The following C18orf54 variants were observed in gnomAD, a reference collection of about 807,000 sequenced individuals.
The protein encoded by C18orf54 is chromosome 18 open reading frame 54, also known as lung adenoma susceptibility protein 2.
In C18orf54, 49 loss-of-function variants were observed where a neutral mutation model predicts 49.3. The observed-to-expected ratio is 0.99, with a 90% confidence interval of 0.79 to 1.26. C18orf54 has a LOEUF of 1.26. Among genes scored for constraint, C18orf54 ranks in the 50% most tolerant of loss-of-function variants. C18orf54 has a pLI of 0.00. For missense variants in C18orf54, 687 were observed against 620.6 expected (o/e 1.11, Z -1.14); for synonymous variants, 211 against 216.6 (o/e 0.97, Z 0.23).
Position 54,360,666 on chromosome 18 carries a change from TC to T in C18orf54, c.95del (p.Ser32LeufsTer30). 1.9e-6 allele frequency: 3 copies of T among 1,614,112 alleles called. No homozygotes were observed. The highest frequency in any genetic ancestry group is 2.5e-6 in the Non-Finnish European group (3 of 1,179,956). On this transcript the variant is annotated frameshift_variant, in exon 3 of 9. Coordinates refer to ENST00000620105, the MANE Select transcript of C18orf54 (RefSeq NM_001288980.2). LOFTEE classifies it high-confidence loss of function. ...CTGCACCCTGAGTGGTAGTAATTCCTCTAATTCTGATGGCTCGTTTCACTAT... is the reference window on the plus strand; with the variant it reads ...CTGCACCCTGAGTGGTAGTAATTCCTTAATTCTGATGGCTCGTTTCACTAT... ...ASCTLSGSNS[S>X]NSDGSFHYKD...
chr18:54,373,968 T>G (rs867771261), intron 7 of C18orf54, among the ~76,000 whole-genome samples: 26 of 152,012 alleles, frequency 1.7e-4, no homozygotes, highest in Middle Eastern at 3.4e-3. Context: ...GTCATAATTT[T>G]AAGCGAAGAC....
chr18:54,366,622 T>C (rs1452988926), intron 6 of C18orf54, among the ~76,000 whole-genome samples: 1 of 152,084 alleles, frequency 6.6e-6, no homozygotes, highest in African/African-American at 2.4e-5. Flanking sequence ...GATATTTCTT[T>C]GGCATATTGA....
chr18:54,375,224 G>A (rs150805039), intron 8 of C18orf54, among the ~76,000 whole-genome samples: 17 of 151,884 alleles, frequency 1.1e-4, no homozygotes, highest in Admixed American at 2.6e-4. Flanking sequence ...AGTATTCTAA[G>A]TGCTATTGAA....
At chr18:54,370,285 A>AC (rs1392990817) in intron 6 of C18orf54, among the ~76,000 whole-genome samples, 1 of 152,046 alleles carries the variant, frequency 6.6e-6, no homozygotes, top group Non-Finnish European at 1.5e-5. Flanking sequence ...TCAAAAAAAA[A>AC]AAAAAAAAGT....
rs1269793543 is a variant in C18orf54 at position 54,379,321 on chromosome 18, A to G, written c.*1075A>G. The stretch of plus-strand genomic sequence containing the variant: ...GACAAAATTAAAGAGTACTGTGTGT[A>G]TGTATAACTACTACAGGTTAACACT... On this transcript the variant is annotated 3_prime_UTR_variant, in exon 9 of 9. Coordinates refer to ENST00000620105, the MANE Select transcript of C18orf54 (RefSeq NM_001288980.2). 4.6e-5 allele frequency: 7 copies of G among 152,248 alleles called. No individual in the cohort carries two copies. The highest frequency in any genetic ancestry group is 4.1e-4 in the South Asian group (2 of 4,830). The allele number at this position is 152,248 out of a possible 1,614,324, so 9.4% of individuals were successfully genotyped here.
chr18:54,371,509 G>A (rs1347482487), intron 6 of C18orf54, among the ~76,000 whole-genome samples: 1 of 152,080 alleles, frequency 6.6e-6, no homozygotes, highest in African/African-American at 2.4e-5. Context: ...ATATACCTAA[G>A]AGGGAAATTG....
chr18:54,362,469 CTTTT>C, intron 4 of C18orf54, 38 bp downstream of exon 4: 3 of 1,421,652 alleles, frequency 2.1e-6, no homozygotes, highest in Non-Finnish European at 2.7e-6. Flanking sequence ...ATTTATTTTT[CTTTT>C]TTTTAAACCA....
At chr18:54,368,002 G>T (rs571817278) in intron 6 of C18orf54, among the ~76,000 whole-genome samples, 1 of 151,680 alleles carries the variant, frequency 6.6e-6, no homozygotes, top group African/African-American at 2.4e-5. Flanking sequence ...TCCATTCATC[G>T]AATTCTTCAC....
chr18:54,372,731 G>GT (rs1185204317), intron 7 of C18orf54, 134 bp downstream of exon 7: 1,449 of 718,734 alleles, frequency 2.0e-3, no homozygotes, highest in Middle Eastern at 4.2e-3. Flanking sequence ...AGTGGCAGTA[G>GT]TTTTTTTTTG....
At chr18:54,365,577 C>T in intron 5 of C18orf54, 142 bp from the exon 6 acceptor site, 1 of 474,382 alleles carries the variant, frequency 2.1e-6, no homozygotes, top group Non-Finnish European at 3.8e-6. Context: ...AATTACCATA[C>T]AACATTAATA....
intron 6 of C18orf54, 54 bp downstream of exon 6, chr18:54,365,875 A>G: frequency 9.7e-7 from 1 of 1,033,422 alleles, no homozygotes. Context: ...AATAATATGT[A>G]GATACTAATT....
chr18:54,381,891 CA>C lies in C18orf54; in HGVS notation c.*3646del, dbSNP rs2089680442. Reference sequence around the variant, plus strand: ...GATTGTTTTATCTCCTTGATGATAGCACCTCTTATACTGCTTTACAGAATCA... The same window carrying C: ...GATTGTTTTATCTCCTTGATGATAGCCCTCTTATACTGCTTTACAGAATCA... On this transcript the variant is annotated 3_prime_UTR_variant, in exon 9 of 9. Transcript: ENST00000620105. 2 of 152,116 alleles carry C rather than the reference CA, an allele frequency of 1.3e-5. No homozygotes were observed. Among genetic ancestry groups the C allele is most frequent in the Admixed American group, 1.3e-4 (2 of 15,276 alleles). 9.4% of individuals were successfully genotyped at this position (152,116 alleles called of 1,614,324 possible).
intron 5 of C18orf54, among the ~76,000 whole-genome samples, chr18:54,364,877 T>TA (rs2089349790): frequency 6.6e-6 from 1 of 152,002 alleles, no homozygotes; most frequent in Non-Finnish European, 1.5e-5. Flanking sequence ...CTGTAAATGT[T>TA]AAAAAAAGAT....
rs114146691 is a variant in C18orf54, at chr18:54,363,612, G to A, written c.1223+691G>A. ...ATTACAGGCTTGAGCCACCGTGCCC[G>A]GCCTGAAGTTACAAATTTCTTATCA... is the stretch of plus-strand genomic sequence containing the variant. On this transcript the variant is annotated intron_variant, in intron 5 of 8. Coordinates refer to ENST00000620105, the MANE Select transcript of C18orf54 (RefSeq NM_001288980.2). 1.5e-3 allele frequency among the ~76,000 whole-genome samples: 222 copies of A among 152,204 alleles called. 1 individual carries two copies. The highest frequency in any genetic ancestry group is 5.2e-3 in the African/African-American group (216 of 41,518).
At chr18:54,362,578 C>A in intron 4 of C18orf54, 147 bp downstream of exon 4, 1 of 891,444 alleles carries the variant, frequency 1.1e-6, no homozygotes, top group Non-Finnish European at 1.6e-6. Flanking sequence ...TCTTCACATA[C>A]AGCATTTTGT....
In C18orf54 at chr18:54,380,016, A is replaced by G. The variant is rs1480952007; in HGVS notation, c.*1770A>G. On this transcript the variant is annotated 3_prime_UTR_variant, in exon 9 of 9. Transcript: ENST00000620105. ...ACTTGATTATACTTACCAAAGGAAC[A>G]TTGTTTGTTTTCTCTTGTTTTAAAT... The G allele has an allele frequency of 6.6e-6, 1 of 152,120 alleles. No homozygotes were observed. The highest frequency in any genetic ancestry group is 1.5e-5 in the Non-Finnish European group (1 of 67,936). The allele number at this position is 152,120 out of a possible 1,614,324, so 9.4% of individuals were successfully genotyped here.
Position 54,380,476 on chromosome 18 carries a change from C to A in C18orf54, c.*2230C>A, listed in dbSNP as rs150860737. 4.3e-4 allele frequency: 65 copies of A among 152,038 alleles called. No homozygotes were observed. Among genetic ancestry groups the A allele is most frequent in the African/African-American group, 1.2e-3 (51 of 41,516 alleles). The allele number at this position is 152,038 out of a possible 1,614,324, so 9.4% of individuals were successfully genotyped here. ...CTAATTTCAAAAAACTATTTGAGAT[C>A]AAGGGACAATGGTGTGACCAATATG... On this transcript the variant is annotated 3_prime_UTR_variant, in exon 9 of 9. Coordinates refer to ENST00000620105, the MANE Select transcript of C18orf54 (RefSeq NM_001288980.2).
chr18:54,372,509 C>A lies in C18orf54; in HGVS notation c.1370C>A (p.Ala457Asp). Residue 457 changes from alanine (A) to aspartate (D), a missense_variant, in exon 7 of 9, where the codon GCC (alanine) becomes GAC (aspartate). Ala to Asp is a moderately radical substitution (Grantham distance 126, BLOSUM62 -2). Transcript: ENST00000620105. ...SGGKHHGPVE[A>D]LKQMLFNLQA... ...GGCAAACATCATGGTCCTGTTGAAG[C>A]CCTGAAACAAATGTTATTTAACCTT... The A allele has an allele frequency of 6.2e-7, 1 of 1,610,464 alleles. No individual in the cohort carries two copies. Among genetic ancestry groups the A allele is most frequent in the East Asian group, 2.2e-5 (1 of 44,756 alleles).
intron 7 of C18orf54, 48 bp from the exon 8 acceptor site, chr18:54,374,166 A>C: frequency 7.5e-7 from 1 of 1,325,720 alleles, no homozygotes; most frequent in Non-Finnish European, 1.0e-6. Context: ...TTAATTTTGT[A>C]GTTATATAAT....
Sources: gnomAD v4.1 joint callset for allele counts (sites outside exome capture counted in the v4.1 genomes callset) on GRCh38, gnomAD v4.1.1 for gene constraint, MANE v1.5 for transcripts, NCBI Gene and HGNC (gene_info 2026-07-23, HGNC 2026-07-21) for gene names.